CDH13: variants seen among roughly 807,000 people sequenced by gnomAD.
CDH13 encodes the protein cadherin-13.
A neutral mutation model predicts 63.8 loss-of-function variants in CDH13; 24 were observed. The ratio of observed to expected loss-of-function variants is 0.38; its 90% CI spans 0.27 to 0.53. The LOEUF is 0.53. Ranked by LOEUF, CDH13 falls within the 20% of genes least tolerant of loss-of-function variation. CDH13 has a pLI of 0.85. For synonymous variants in CDH13, 503 were observed against 355.3 expected, an observed-to-expected ratio of 1.42 and a Z score of -4.67; for missense variants, 1,049 against 903.1, an observed-to-expected ratio of 1.16 and a Z score of -2.07.
At chr16:83,498,886 C>A (rs2074208128) in intron 7 of CDH13, among the ~76,000 whole-genome samples, 1 of 152,128 alleles carries the variant, frequency 6.6e-6, no homozygotes, top group Non-Finnish European at 1.5e-5. Flanking sequence ...GTTACTGAGC[C>A]CAGTGGCTTC....
chr16:82,679,672 G>T (rs1302447988), intron 1 of CDH13, among the ~76,000 whole-genome samples: 1 of 152,076 alleles, frequency 6.6e-6, no homozygotes, highest in Non-Finnish European at 1.5e-5. Context: ...AATCAGCCTT[G>T]GTTATGTATT....
chr16:83,610,141 A>G (rs1054619551), intron 8 of CDH13, among the ~76,000 whole-genome samples: 1 of 152,106 alleles, frequency 6.6e-6, no homozygotes, highest in South Asian at 2.1e-4. Context: ...AGGCAGTTTC[A>G]GTTTTTGGCT....
intron 8 of CDH13, among the ~76,000 whole-genome samples, chr16:83,646,738 C>CAG (rs1254995400): frequency 2.7e-5 from 4 of 146,796 alleles, no homozygotes; most frequent in Non-Finnish European, 4.5e-5. Flanking sequence ...CACACACACA[C>CAG]AGTTGTGTTT....
chr16:83,170,079 T>C (rs2037855858), intron 4 of CDH13, among the ~76,000 whole-genome samples: 1 of 152,122 alleles, frequency 6.6e-6, no homozygotes, highest in Non-Finnish European at 1.5e-5. Flanking sequence ...TTTCATGTGA[T>C]GTTAAGCTCT....
chr16:83,752,677 A>C (rs1445325711), intron 11 of CDH13, among the ~76,000 whole-genome samples: 1 of 152,228 alleles, frequency 6.6e-6, no homozygotes, highest in Non-Finnish European at 1.5e-5. Flanking sequence ...ATACACCTGT[A>C]TGAACTGTCT....
At chr16:82,720,089 C>G (rs1328977461) in intron 1 of CDH13, among the ~76,000 whole-genome samples, 1 of 152,024 alleles carries the variant, frequency 6.6e-6, no homozygotes, top group African/African-American at 2.4e-5. Flanking sequence ...TAAAGATGAG[C>G]TATACATACA....
intron 2 of CDH13, among the ~76,000 whole-genome samples, chr16:82,925,782 C>G (rs560219602): frequency 1.3e-5 from 2 of 152,326 alleles, no homozygotes; most frequent in Admixed American, 1.3e-4. Flanking sequence ...TGCCCTTGAC[C>G]TCAATAATAT....
intron 5 of CDH13, among the ~76,000 whole-genome samples, chr16:83,274,764 C>T (rs1159805135): frequency 3.3e-5 from 5 of 152,106 alleles, no homozygotes; most frequent in African/African-American, 1.2e-4. Context: ...TCTTGGGCCC[C>T]ACGCCAGATC....
intron 6 of CDH13, among the ~76,000 whole-genome samples, chr16:83,351,779 C>G (rs143369633): frequency 6.6e-6 from 1 of 152,188 alleles, no homozygotes; most frequent in African/African-American, 2.4e-5. Context: ...ATGTTTTGAT[C>G]CCTATTCAGG....
At chr16:83,459,839 T>A (rs1598070933) in intron 6 of CDH13, among the ~76,000 whole-genome samples, 1 of 152,282 alleles carries the variant, frequency 6.6e-6, no homozygotes. Context: ...AGTATGAGCA[T>A]TGTAGTTTTC....
At chr16:82,927,857 A>T in intron 2 of CDH13, among the ~76,000 whole-genome samples, 1 of 152,338 alleles carries the variant, frequency 6.6e-6, no homozygotes, top group Admixed American at 6.5e-5. Flanking sequence ...TGAGTTACTG[A>T]ATATTGAGAG....
At chr16:83,620,369 G>T (rs1052681322) in intron 8 of CDH13, among the ~76,000 whole-genome samples, 1 of 129,552 alleles carries the variant, frequency 7.7e-6, no homozygotes, top group Non-Finnish European at 1.6e-5. Context: ...ACAACCTGTC[G>T]ACAGAGCGAG....
intron 5 of CDH13, among the ~76,000 whole-genome samples, chr16:83,296,687 A>G (rs1198012210): frequency 6.6e-6 from 1 of 152,194 alleles, no homozygotes; most frequent in Non-Finnish European, 1.5e-5. Context: ...AGTTTTTATG[A>G]CAGGCAGGGT....
intron 2 of CDH13, among the ~76,000 whole-genome samples, chr16:82,883,715 A>G (rs1218835053): frequency 6.6e-6 from 1 of 152,208 alleles, no homozygotes; most frequent in Non-Finnish European, 1.5e-5. Context: ...CGTGCCCAGA[A>G]TGGAGCAGCC....
chr16:83,223,806 G>T (rs529879682), intron 5 of CDH13, among the ~76,000 whole-genome samples: 1 of 152,344 alleles, frequency 6.6e-6, no homozygotes, highest in African/African-American at 2.4e-5. Context: ...AGTGGTGGTT[G>T]TCATCTACCA....
chr16:83,219,953 G>T (rs2039647806), intron 5 of CDH13, among the ~76,000 whole-genome samples: 1 of 152,174 alleles, frequency 6.6e-6, no homozygotes, highest in South Asian at 2.1e-4. Flanking sequence ...TTGTAACATG[G>T]CTTGTTGATA....
chr16:83,765,212 A>T (rs952944363), intron 11 of CDH13, among the ~76,000 whole-genome samples: 3 of 152,218 alleles, frequency 2.0e-5, no homozygotes, highest in Non-Finnish European at 4.4e-5. Context: ...ATTTCCATCC[A>T]GGCAGAGGGT....
In CDH13 at chr16:83,754,677, T is replaced by G. The variant is rs146860332; in HGVS notation, c.1681+6427T>G. Among the ~76,000 whole-genome samples the G allele has an allele frequency of 5.1e-3, 775 of 152,340 alleles. 21 individuals carry two copies. The East Asian group carries it at 0.085, about 17-fold the overall frequency. ...AGGGGTTTCCACTTTTGCGTCTTCC[T>G]CATTCTCTCTTTGCCTGCTGCCATC... On this transcript the variant is annotated intron_variant, in intron 11 of 13. Coordinates refer to ENST00000567109, the MANE Select transcript of CDH13 (RefSeq NM_001257.5).
At chr16:82,943,728 T>C (rs1257424085) in intron 2 of CDH13, among the ~76,000 whole-genome samples, 4 of 152,194 alleles carry the variant, frequency 2.6e-5, no homozygotes, top group Non-Finnish European at 5.9e-5. Flanking sequence ...GCTGTATCAA[T>C]TGAGATAGAA....
Sources: gnomAD v4.1 joint callset for allele counts (sites outside exome capture counted in the v4.1 genomes callset) on GRCh38, gnomAD v4.1.1 for gene constraint, MANE v1.5 for transcripts, NCBI Gene and HGNC (gene_info 2026-07-23, HGNC 2026-07-21) for gene names.